The following STK39 variants were observed in gnomAD, a reference collection of about 807,000 sequenced individuals.
STK39 encodes the protein STE20/SPS1-related proline-alanine-rich protein kinase.
Under a neutral mutation model 77.8 loss-of-function variants are expected in STK39, and 20 were observed. The ratio of observed to expected loss-of-function variants is 0.26; its 90% confidence interval spans 0.18 to 0.37. The LOEUF (loss-of-function observed/expected upper bound fraction) is 0.37, where lower values mean the gene tolerates loss of function less well. Among genes scored for constraint, STK39 ranks in the 10% least tolerant of loss-of-function variants. STK39 has a pLI of 1.00. For synonymous variants in STK39, 246 were observed against 234.1 expected (o/e 1.05, Z -0.47); for missense variants, 479 against 656.5 (o/e 0.73, Z 2.95).
chr2:167,981,777 A>C (rs1329227104), intron 16 of STK39, among the ~76,000 whole-genome samples: 1 of 152,196 alleles, frequency 6.6e-6, no homozygotes, highest in Admixed American at 6.5e-5. Flanking sequence ...CACATGATTA[A>C]ATCTGAAAGA....
At chr2:168,039,738 C>T (rs1233936300) in intron 14 of STK39, among the ~76,000 whole-genome samples, 2 of 152,102 alleles carry the variant, frequency 1.3e-5, no homozygotes, top group East Asian at 3.9e-4. Flanking sequence ...GTGATAGCTT[C>T]ACGGGTGTAC....
intron 1 of STK39, among the ~76,000 whole-genome samples, chr2:168,242,526 G>A (rs1690784623): frequency 8.3e-6 from 1 of 121,104 alleles, no homozygotes; most frequent in Non-Finnish European, 1.6e-5. Flanking sequence ...TCTAGCCCAG[G>A]CAACAGAGCA....
intron 1 of STK39, among the ~76,000 whole-genome samples, chr2:168,196,443 A>C (rs1689471612): frequency 6.6e-6 from 1 of 152,182 alleles, no homozygotes; most frequent in Non-Finnish European, 1.5e-5. Context: ...CAGGTGAATC[A>C]CCTGAGGTCA....
chr2:168,034,539 A>G (rs925521444), intron 14 of STK39, among the ~76,000 whole-genome samples: 4 of 152,292 alleles, frequency 2.6e-5, no homozygotes, highest in East Asian at 1.9e-4. Context: ...CATTGCTGGT[A>G]ACTCTCTTCC....
At chr2:168,002,743 T>C (rs1041743811) in intron 16 of STK39, among the ~76,000 whole-genome samples, 1 of 152,204 alleles carries the variant, frequency 6.6e-6, no homozygotes, top group Admixed American at 6.5e-5. Flanking sequence ...AAATAAATTG[T>C]TCTTAAATAA....
At chr2:168,136,422 T>C (rs1362375289) in intron 8 of STK39, among the ~76,000 whole-genome samples, 3 of 151,638 alleles carry the variant, frequency 2.0e-5, no homozygotes, top group Non-Finnish European at 4.4e-5. Context: ...ATAATGTATG[T>C]CAATCTAATT....
At chr2:168,190,480 A>G (rs1689312332) in intron 1 of STK39, among the ~76,000 whole-genome samples, 1 of 152,194 alleles carries the variant, frequency 6.6e-6, no homozygotes, top group Non-Finnish European at 1.5e-5. Context: ...CTCATAGGAG[A>G]GCTCATTCTG....
chr2:168,140,882 T>A, intron 5 of STK39, 124 bp from the exon 6 acceptor site: 1 of 727,404 alleles, frequency 1.4e-6, no homozygotes, highest in East Asian at 2.9e-5. Flanking sequence ...CAAACATGTC[T>A]ACGGTGCTCT....
intron 5 of STK39, among the ~76,000 whole-genome samples, chr2:168,157,178 G>T (rs3769391): frequency 0.17 from 26,009 of 152,136 alleles, 2,271 homozygotes; most frequent in East Asian, 0.25. Context: ...AAATGAAGAT[G>T]TATTCAAGGC....
At chr2:168,033,131 T>C (rs1367200537) in intron 14 of STK39, among the ~76,000 whole-genome samples, 2 of 152,084 alleles carry the variant, frequency 1.3e-5, no homozygotes, top group East Asian at 1.9e-4. Flanking sequence ...AGGGATACAA[T>C]AGTCGTCCTT....
At position 168,216,258 on chromosome 2, in the gene STK39, G is replaced by A. The variant is rs113652749; in HGVS notation, c.208+30970C>T. 2.0e-3 allele frequency among the ~76,000 whole-genome samples: 303 copies of A among 152,256 alleles called. 3 individuals are homozygous for A. The highest frequency in any genetic ancestry group is 6.9e-3 in the African/African-American group (287 of 41,544). On this transcript the variant is annotated intron_variant, in intron 1 of 17. Transcript: ENST00000355999. The stretch of plus-strand genomic sequence containing the variant: ...AGGTAAGGACTGAGTCAAATCAGAG[G>A]GAGACAGATGAAGGCTTCCTGTCTC...
chr2:168,205,121 T>G (rs962048807), intron 1 of STK39, among the ~76,000 whole-genome samples: 1 of 152,216 alleles, frequency 6.6e-6, no homozygotes, highest in Non-Finnish European at 1.5e-5. Context: ...ATATAGGTGA[T>G]GGAGAGATGG....
intron 12 of STK39, among the ~76,000 whole-genome samples, chr2:168,070,092 A>G (rs910102621): frequency 1.3e-5 from 2 of 152,336 alleles, no homozygotes; most frequent in East Asian, 1.9e-4. Context: ...TAATGGGATA[A>G]CAGTTGAAAA....
chr2:168,058,027 AT>A (rs1001088735), intron 14 of STK39, among the ~76,000 whole-genome samples: 5 of 152,050 alleles, frequency 3.3e-5, no homozygotes, highest in Non-Finnish European at 7.4e-5. Flanking sequence ...TTTAAAAAAA[AT>A]CTTCCTTTAC....
chr2:168,195,016 A>AT (rs768898418), intron 1 of STK39, among the ~76,000 whole-genome samples: 45 of 152,084 alleles, frequency 3.0e-4, no homozygotes, highest in African/African-American at 6.7e-4. Context: ...ACACATTTAC[A>AT]TTTTTTTTAA....
intron 14 of STK39, among the ~76,000 whole-genome samples, chr2:168,063,209 A>G (rs1016152678): frequency 2.6e-5 from 4 of 152,166 alleles, no homozygotes; most frequent in Admixed American, 1.3e-4. Flanking sequence ...AAAAAAAGAA[A>G]AAGGAAAAGA....
chr2:168,055,168 A>G (rs1007036775), intron 14 of STK39, among the ~76,000 whole-genome samples: 2 of 152,186 alleles, frequency 1.3e-5, no homozygotes, highest in Admixed American at 6.5e-5. Flanking sequence ...AAATTAATCA[A>G]ACCTCCCAGC....
intron 2 of STK39, among the ~76,000 whole-genome samples, chr2:168,172,695 T>C (rs1688858967): frequency 6.6e-6 from 1 of 152,164 alleles, no homozygotes; most frequent in Admixed American, 6.5e-5. Flanking sequence ...GATTCTGAAT[T>C]CAAAATATTA....
At chr2:168,138,312 C>G in intron 7 of STK39, 91 bp from the exon 8 acceptor site, 1 of 1,471,304 alleles carries the variant, frequency 6.8e-7, no homozygotes, top group Non-Finnish European at 9.1e-7. Flanking sequence ...AAAAAACCAT[C>G]CTTGATTAGA....
Sources: allele counts gnomAD v4.1 joint callset (sites outside exome capture counted in the v4.1 genomes callset), GRCh38; gene constraint gnomAD v4.1.1; transcripts MANE v1.5; gene names NCBI Gene and HGNC (gene_info 2026-07-23, HGNC 2026-07-21).